The following RAI1 variants were observed in gnomAD, a reference collection of about 807,000 sequenced individuals.
The protein encoded by RAI1 is retinoic acid induced 1, also known as retinoic acid-induced protein 1.
In RAI1, 9 loss-of-function variants were observed where a neutral mutation model predicts 123.8. The ratio of observed to expected loss-of-function variants is 0.07; its 90% CI spans 0.04 to 0.13. RAI1 has a LOEUF of 0.13. Ranked by LOEUF, RAI1 falls within the 10% of genes least tolerant of loss-of-function variation. The pLI is 1.00. For synonymous variants in RAI1, 1,231 were observed against 1,127.3 expected (o/e 1.09, Z -1.84); for missense variants, 2,256 against 2,545.8 (o/e 0.89, Z 2.45).
chr17:17,736,851 G>A (rs151141650), intron 2 of RAI1, among the ~76,000 whole-genome samples: 1 of 152,216 alleles, frequency 6.6e-6, no homozygotes, highest in Non-Finnish European at 1.5e-5. Context: ...ACTTCTGGAA[G>A]TGGTGTGTTT....
chr17:17,792,845 C>T (rs1029999908), intron 2 of RAI1, 88 bp from the exon 3 acceptor site: 55 of 1,078,458 alleles, frequency 5.1e-5, no homozygotes, highest in South Asian at 4.5e-4. Context: ...GGAAGTGGCC[C>T]GTCTGAATCG....
chr17:17,745,826 C>A (rs373255757), intron 2 of RAI1, among the ~76,000 whole-genome samples: 20 of 152,286 alleles, frequency 1.3e-4, no homozygotes, highest in Non-Finnish European at 2.4e-4. Context: ...CCAGGCCAGG[C>A]AGGGACGGTG....
At chr17:17,767,277 G>A (rs2030973906) in intron 2 of RAI1, among the ~76,000 whole-genome samples, 1 of 152,170 alleles carries the variant, frequency 6.6e-6, no homozygotes, top group Non-Finnish European at 1.5e-5. Context: ...TTATGCTCTG[G>A]ATCTTGGGGA....
At chr17:17,683,683 AGAG>A (rs985529940) in intron 1 of RAI1, 7 of 152,272 alleles carry the variant, frequency 4.6e-5, no homozygotes, top group African/African-American at 1.7e-4. Flanking sequence ...AAAGCCTTGG[AGAG>A]GAGGAGAATG....
chr17:17,809,467 G>A lies in RAI1; in HGVS notation c.5709+28G>A. 1 of 1,572,072 alleles carries A rather than the reference G, an allele frequency of 6.4e-7. No individual in the cohort carries two copies. The highest frequency in any genetic ancestry group is 8.8e-7 in the Non-Finnish European group (1 of 1,142,426). ...AGGGGACCACAGTGTTTTGTAGGGC[G>A]AGGGGTGTCAAGCGGGAGAGGAGCC... On this transcript the variant is annotated intron_variant, in intron 5 of 5. Transcript: ENST00000353383. This position sits in a 1 kb window ranked among gnomAD's most constrained non-coding sequence, Gnocchi z 4.9.
rs767398695 is a variant in RAI1, at chr17:17,797,361, G to A, written c.4413G>A (p.Pro1471=). 3.4e-5 allele frequency: 55 copies of A among 1,612,278 alleles called. No homozygotes were observed. The highest frequency in any genetic ancestry group is 1.7e-4 in the Middle Eastern group (1 of 6,038). The change falls in exon 3 of 6, where the codon CCG becomes CCA. Residue 1471 remains proline (P), a synonymous_variant. Coordinates refer to ENST00000353383, the MANE Select transcript of RAI1 (RefSeq NM_030665.4). ...TGGAGAAGCGGCCCTATCTTGGCCC[G>A]GCTCTGCTCCTGACTCCCCGAGACA... ...GPLEKRPYLG[P]ALLLTPRDRA... is the part of the protein sequence containing the mutation.
At chr17:17,752,828 C>T (rs192163917) in intron 2 of RAI1, among the ~76,000 whole-genome samples, 1 of 152,350 alleles carries the variant, frequency 6.6e-6, no homozygotes, top group Non-Finnish European at 1.5e-5. Context: ...CCTGCCCTGC[C>T]TGGCACTCCT....
intron 2 of RAI1, among the ~76,000 whole-genome samples, chr17:17,767,437 G>C (rs893407133): frequency 1.3e-5 from 2 of 151,898 alleles, no homozygotes; most frequent in African/African-American, 2.4e-5. Flanking sequence ...ACTAAAGAAT[G>C]TAAAGAAGAA....
rs181497179 is a variant in RAI1 at position 17,733,275 on chromosome 17, T to G, written c.-17+9116T>G. On this transcript the variant is annotated intron_variant, in intron 2 of 5. Coordinates refer to ENST00000353383, the MANE Select transcript of RAI1 (RefSeq NM_030665.4). ...AAACTGATTCCAAACTGGGTCTTAGTGTTTTCTGAGAATTCTCCAGGCCAG... is the reference window on the plus strand; with the variant it reads ...AAACTGATTCCAAACTGGGTCTTAGGGTTTTCTGAGAATTCTCCAGGCCAG... Among the ~76,000 whole-genome samples, 209 of 152,298 alleles carry G rather than the reference T, an allele frequency of 1.4e-3. 1 individual carries two copies. Among genetic ancestry groups the G allele is most frequent in the African/African-American group, 4.9e-3 (203 of 41,570 alleles).
intron 2 of RAI1, among the ~76,000 whole-genome samples, chr17:17,753,126 AG>A (rs1229621719): frequency 6.6e-6 from 1 of 152,082 alleles, no homozygotes; most frequent in Admixed American, 6.5e-5. Context: ...AGGCCCGAGG[AG>A]CCTGGTTTGG....
At chr17:17,737,419 C>T (rs1481680696) in intron 2 of RAI1, among the ~76,000 whole-genome samples, 2 of 152,126 alleles carry the variant, frequency 1.3e-5, no homozygotes, top group Non-Finnish European at 2.9e-5. Context: ...CCTTTGCCAC[C>T]CCCTGGCCCA....
intron 2 of RAI1, among the ~76,000 whole-genome samples, chr17:17,742,415 TTGAATGAA>T (rs367761123): frequency 4.1e-4 from 63 of 152,128 alleles, no homozygotes; most frequent in Middle Eastern, 3.4e-3. Flanking sequence ...AGATCTTGGT[TTGAATGAA>T]TGAATGAATG....
chr17:17,693,686 C>T (rs1442018149), intron 1 of RAI1, among the ~76,000 whole-genome samples: 2 of 152,322 alleles, frequency 1.3e-5, no homozygotes, highest in South Asian at 4.1e-4. Context: ...CTGAGAAAGA[C>T]ATCGGATCCA....
Position 17,794,852 on chromosome 17 carries a change from A to T in RAI1, c.1904A>T (p.Asp635Val), listed in dbSNP as rs200517965. ...AWAEAPSLVK[D>V]SSKPPFSLEN... ...GCTGAAGCACCCAGCCTGGTCAAGG[A>T]CAGCAGCAAGCCACCCTTCTCGCTG... Residue 635 changes from aspartate to valine, a missense_variant, in exon 3 of 6, where the codon GAC (aspartate) becomes GTC (valine). Physicochemically the swap from Asp to Val is radical, Grantham distance 152. Around this residue, in one of 7 missense-constraint regions of RAI1, gnomAD observed 566 missense variants for 616.0 expected, o/e 0.92. Coordinates refer to ENST00000353383, the MANE Select transcript of RAI1 (RefSeq NM_030665.4). 8.4e-5 allele frequency: 136 copies of T among 1,613,184 alleles called. No individual in the cohort carries two copies. In the East Asian group the frequency reaches 2.3e-3, roughly 27 times the overall value.
chr17:17,723,424 C>T (rs1262177475), intron 1 of RAI1, among the ~76,000 whole-genome samples: 1 of 151,296 alleles, frequency 6.6e-6, no homozygotes, highest in Non-Finnish European at 1.5e-5. Flanking sequence ...GACCTAAACG[C>T]ACAGCCAAGA....
chr17:17,710,555 C>T (rs1343572436), intron 1 of RAI1, among the ~76,000 whole-genome samples: 4 of 152,250 alleles, frequency 2.6e-5, no homozygotes, highest in Non-Finnish European at 5.9e-5. Context: ...GAAATGGCAG[C>T]ACAGTGGCCA....
chr17:17,795,111 C>T lies in RAI1; in HGVS notation c.2163C>T (p.Pro721=), dbSNP rs576444552. The change falls in exon 3 of 6, where the codon CCC becomes CCT. Residue 721 remains proline, a synonymous_variant. Transcript: ENST00000353383. The surrounding 1 kb of genome is among the most constrained non-coding windows in gnomAD (Gnocchi z 5.9). ...KPTLGVPAPD[P]TTAAFDCFPD... The stretch of plus-strand genomic sequence containing the variant: ...CCCTTGGGGTTCCTGCTCCAGACCC[C>T]ACTACAGCAGCTTTTGACTGTTTCC... 28 of 1,614,106 alleles carry T rather than the reference C, an allele frequency of 1.7e-5. No homozygotes were observed. In the East Asian group the frequency reaches 5.6e-4, roughly 32 times the overall value.
At chr17:17,688,517 A>G (rs1206330423) in intron 1 of RAI1, among the ~76,000 whole-genome samples, 1 of 152,068 alleles carries the variant, frequency 6.6e-6, no homozygotes, top group Non-Finnish European at 1.5e-5. Flanking sequence ...TGAGGATAGT[A>G]ACAGGCCCCT....
chr17:17,761,779 G>A (rs892792603), intron 2 of RAI1, among the ~76,000 whole-genome samples: 4 of 152,164 alleles, frequency 2.6e-5, no homozygotes, highest in Non-Finnish European at 5.9e-5. Context: ...AGGCCAAGGA[G>A]GCAGGGACAG....
Sources: allele counts gnomAD v4.1 joint callset (sites outside exome capture counted in the v4.1 genomes callset), GRCh38; gene constraint gnomAD v4.1.1; regional missense constraint gnomAD v4.1.1; non-coding constraint Gnocchi (gnomAD v3.1); transcripts MANE v1.5; gene names NCBI Gene and HGNC (gene_info 2026-07-23, HGNC 2026-07-21).